The following ZFP42 variants were observed in gnomAD, a reference collection of about 807,000 sequenced individuals.
ZFP42 encodes the protein zinc finger protein 42 homolog.
For missense variants in ZFP42, 438 were observed against 377.1 expected (o/e 1.16, Z -1.34); for synonymous variants, 175 against 144.6 (o/e 1.21, Z -1.51).
intron 3 of ZFP42, among the ~76,000 whole-genome samples, chr4:188,002,092 G>C (rs982797569): frequency 1.3e-5 from 2 of 152,166 alleles, no homozygotes; most frequent in Admixed American, 1.3e-4. Context: ...CAGGAGAATT[G>C]CTTGAACCCG....
At chr4:187,996,974 C>T (rs1012163857) in intron 1 of ZFP42, among the ~76,000 whole-genome samples, 18 of 150,396 alleles carry the variant, frequency 1.2e-4, no homozygotes, top group African/African-American at 4.1e-4. Context: ...CCTTCCTGCC[C>T]GCCATAGCTG....
chr4:187,997,035 G>GGAGCA (rs1733614298), intron 1 of ZFP42, among the ~76,000 whole-genome samples: 1 of 85,778 alleles, frequency 1.2e-5, no homozygotes, highest in Non-Finnish European at 2.3e-5. Flanking sequence ...AGCATGGAGC[G>GGAGCA]TGGAGCATGG....
rs181047549 is a variant in ZFP42, at chr4:188,000,018, C to A, written c.-96+333C>A. Reference sequence around the variant, plus strand: ...GGAAAAGCAGCAGTCAATTAAATTGCAGTTACAGGTTGAGTATTTTTTATC... The same window carrying A: ...GGAAAAGCAGCAGTCAATTAAATTGAAGTTACAGGTTGAGTATTTTTTATC... On this transcript the variant is annotated intron_variant, in intron 3 of 3. Coordinates refer to ENST00000326866, the MANE Select transcript of ZFP42 (RefSeq NM_174900.5). Among the ~76,000 whole-genome samples, 426 of 152,266 alleles carry A rather than the reference C, an allele frequency of 2.8e-3. 2 individuals are homozygous for A. The highest frequency in any genetic ancestry group is 1.0e-2 in the African/African-American group (414 of 41,552).
At chr4:188,000,499 C>A (rs1349854003) in intron 3 of ZFP42, among the ~76,000 whole-genome samples, 1 of 152,080 alleles carries the variant, frequency 6.6e-6, no homozygotes, top group African/African-American at 2.4e-5. Context: ...TGATCTCCTG[C>A]CAGTAGCTGG....
At chr4:188,002,516 AGG>A (rs1733865217) in intron 3 of ZFP42, among the ~76,000 whole-genome samples, 195 bp from the exon 4 acceptor site, 1 of 152,214 alleles carries the variant, frequency 6.6e-6, no homozygotes, top group East Asian at 1.9e-4. Flanking sequence ...TTAGATATAG[AGG>A]GTTCCAATAA....
chr4:188,003,331 A>G lies in ZFP42; in HGVS notation c.524A>G (p.Lys175Arg), dbSNP rs1733916780. The change falls in exon 4 of 4, where the codon AAG becomes AGG. Residue 175 changes from lysine to arginine, a missense_variant. By Grantham distance (26) the Lys-to-Arg change is conservative. Coordinates refer to ENST00000326866, the MANE Select transcript of ZFP42 (RefSeq NM_174900.5). ...CAGCTCGCAGAATTTGCTAGAAAGAAGCCCCCCATAAATAAAGAATATGAC... is the reference window on the plus strand; with the variant it reads ...CAGCTCGCAGAATTTGCTAGAAAGAGGCCCCCCATAAATAAAGAATATGAC... ...PKQLAEFARKKPPINKEYDSL... is the reference protein window; with the variant it reads ...PKQLAEFARKRPPINKEYDSL... 1 of 1,613,964 alleles carries G rather than the reference A, an allele frequency of 6.2e-7. No individual in the cohort carries two copies. Among genetic ancestry groups the G allele is most frequent in the South Asian group, 1.1e-5 (1 of 91,082 alleles).
intron 3 of ZFP42, 139 bp downstream of exon 3, chr4:187,999,824 G>A (rs1242326275): frequency 6.6e-6 from 1 of 152,298 alleles, no homozygotes; most frequent in Non-Finnish European, 1.5e-5. Context: ...TTGCGCATTT[G>A]AAGTATGGAT....
chr4:187,998,010 G>C (rs1383794314), intron 1 of ZFP42, among the ~76,000 whole-genome samples: 1 of 152,198 alleles, frequency 6.6e-6, no homozygotes, highest in African/African-American at 2.4e-5. Context: ...TATTACAAAA[G>C]AGTCAGGAAG....
Position 188,001,732 on chromosome 4 carries a change from G to A in ZFP42, c.-95-981G>A, listed in dbSNP as rs28488962. On this transcript the variant is annotated intron_variant, in intron 3 of 3. Coordinates refer to ENST00000326866, the MANE Select transcript of ZFP42 (RefSeq NM_174900.5). ...CACCCCAGTCTAGAAAGAACCTGGC[G>A]TGTAGCAGGATGCAACATATACTTG... Among the ~76,000 whole-genome samples, 627 of 152,310 alleles carry A rather than the reference G, an allele frequency of 4.1e-3. 4 individuals are homozygous for A. The highest frequency in any genetic ancestry group is 0.014 in the African/African-American group (601 of 41,554).
chr4:187,999,054 C>T (rs917123383), intron 1 of ZFP42, 54 bp from the exon 2 acceptor site: 1 of 152,178 alleles, frequency 6.6e-6, no homozygotes, highest in Non-Finnish European at 1.5e-5. Context: ...TTAGTAAATT[C>T]ATAAAGAAAA....
In ZFP42 at chr4:188,003,015, G is replaced by A. The variant is rs1386358200; in HGVS notation, c.208G>A (p.Asp70Asn). 1 of 1,614,180 alleles carries A rather than the reference G, an allele frequency of 6.2e-7. No homozygotes were observed. Among genetic ancestry groups the A allele is most frequent in the Non-Finnish European group, 8.5e-7 (1 of 1,180,030 alleles). The change falls in exon 4 of 4, where the codon GAC (aspartate) becomes AAC (asparagine). Residue 70 changes from aspartate (D) to asparagine (N), a missense_variant. By Grantham distance (23) the Asp-to-Asn change is conservative. Coordinates refer to ENST00000326866, the MANE Select transcript of ZFP42 (RefSeq NM_174900.5). ...GGCTCTCGGAGGGGATGATTTCTCAGACTGTTACATAGAATGCGTCATAAG... is the reference window on the plus strand; with the variant it reads ...GGCTCTCGGAGGGGATGATTTCTCAAACTGTTACATAGAATGCGTCATAAG... ...PQALGGDDFS[D>N]CYIECVIRGE...
At position 188,003,990 on chromosome 4, in the gene ZFP42, G is replaced by A. The variant is rs143749219; in HGVS notation, c.*250G>A. On this transcript the variant is annotated 3_prime_UTR_variant, in exon 4 of 4. Transcript: ENST00000326866. ...ATTTAGAACTTTGTGTGTTCTTAAAGTGTGCTTCCAACAGGAAGGTCAGTG... is the reference window on the plus strand; with the variant it reads ...ATTTAGAACTTTGTGTGTTCTTAAAATGTGCTTCCAACAGGAAGGTCAGTG... 67 of 384,894 alleles carry A rather than the reference G, an allele frequency of 1.7e-4. No homozygotes were observed. In the East Asian group the frequency reaches 2.9e-3, roughly 17 times the overall value. 23.8% of individuals were successfully genotyped at this position (384,894 alleles called of 1,614,324 possible).
At position 188,002,750 on chromosome 4, in the gene ZFP42, C is replaced by T. The variant is rs1733878280; in HGVS notation, c.-58C>T. The stretch of plus-strand genomic sequence containing the variant: ...GACAGCTTACTCAGATCACTACTGC[C>T]TGGAGGTGGTTGATATATCCTGGTG... On this transcript the variant is annotated 5_prime_UTR_variant, in exon 4 of 4. Transcript: ENST00000326866. The T allele has an allele frequency of 7.6e-6, 11 of 1,454,204 alleles. No homozygotes were observed. The highest frequency in any genetic ancestry group is 9.5e-6 in the Non-Finnish European group (10 of 1,049,534). The allele number at this position is 1,454,204 out of a possible 1,614,324, so 90.1% of individuals were successfully genotyped here. A position where few individuals can be genotyped will look rare whatever the true frequency, so the allele number is the denominator to read the frequency against.
At position 188,003,095 on chromosome 4, in the gene ZFP42, A is replaced by T; in HGVS notation, c.288A>T (p.Glu96Asp). Reference protein sequence around the residue: ...LEEDSLFESLEYLKKGSEQQL... With the variant: ...LEEDSLFESLDYLKKGSEQQL... ...AGGACTCACTTTTTGAGTCCTTGGAATACCTAAAGAAAGGATCAGAACAAC... is the reference window on the plus strand; with the variant it reads ...AGGACTCACTTTTTGAGTCCTTGGATTACCTAAAGAAAGGATCAGAACAAC... Residue 96 changes from glutamate to aspartate, a missense_variant, in exon 4 of 4, where the codon GAA becomes GAT. Transcript: ENST00000326866. 6.2e-7 allele frequency: 1 copy of T among 1,614,180 alleles called. No individual in the cohort carries two copies. Among genetic ancestry groups the T allele is most frequent in the Non-Finnish European group, 8.5e-7 (1 of 1,180,038 alleles).
chr4:188,003,940 A>T lies in ZFP42; in HGVS notation c.*200A>T, dbSNP rs531744200. ...CATTTTTTTTTCTTTTATTTGTTTT[A>T]TTTAGAACTTTTTTTATTTGTTTTA... On this transcript the variant is annotated 3_prime_UTR_variant, in exon 4 of 4. Coordinates refer to ENST00000326866, the MANE Select transcript of ZFP42 (RefSeq NM_174900.5). The T allele has an allele frequency of 7.6e-6, 4 of 529,714 alleles. No homozygotes were observed. In the African/African-American group the frequency reaches 7.6e-5, roughly 10 times the overall value. 32.8% of individuals were successfully genotyped at this position (529,714 alleles called of 1,614,324 possible). A position where few individuals can be genotyped will look rare whatever the true frequency, so the allele number is the denominator to read the frequency against.
In ZFP42 at chr4:188,003,372, G is replaced by A. The variant is rs746841063; in HGVS notation, c.565G>A (p.Ala189Thr). The change falls in exon 4 of 4, where the codon GCT (alanine) becomes ACT (threonine). Residue 189 changes from alanine (A) to threonine (T), a missense_variant. Physicochemically the swap from Ala to Thr is moderately conservative, Grantham distance 58. Transcript: ENST00000326866. ...NKEYDSLSAIACPQSGCTRKL... is the reference protein window; with the variant it reads ...NKEYDSLSAITCPQSGCTRKL... ...AGAATATGACAGTCTGAGCGCAATC[G>A]CTTGTCCTCAGAGTGGATGCACTAG... 6.2e-7 allele frequency: 1 copy of A among 1,614,084 alleles called. No individual in the cohort carries two copies. Among genetic ancestry groups the A allele is most frequent in the East Asian group, 2.2e-5 (1 of 44,858 alleles).
chr4:187,997,838 T>C (rs955944519), intron 1 of ZFP42, among the ~76,000 whole-genome samples: 4 of 152,202 alleles, frequency 2.6e-5, no homozygotes, highest in Non-Finnish European at 4.4e-5. Flanking sequence ...CCTAGTGACA[T>C]CTTCATGATC....
intron 1 of ZFP42, among the ~76,000 whole-genome samples, chr4:187,996,309 C>A (rs1209214274): frequency 1.3e-5 from 2 of 151,366 alleles, no homozygotes; most frequent in Non-Finnish European, 2.9e-5. Context: ...GAGACTCTTT[C>A]TTTTCTTTTT....
intron 1 of ZFP42, among the ~76,000 whole-genome samples, chr4:187,997,395 G>A (rs1733643432): frequency 6.6e-6 from 1 of 150,864 alleles, no homozygotes; most frequent in Non-Finnish European, 1.5e-5. Flanking sequence ...CACCACGCCC[G>A]ACTAATTTTT....
Sources: gnomAD v4.1 joint callset for allele counts (sites outside exome capture counted in the v4.1 genomes callset) on GRCh38, gnomAD v4.1.1 for gene constraint, MANE v1.5 for transcripts, NCBI Gene and HGNC (gene_info 2026-07-23, HGNC 2026-07-21) for gene names.